SLF1: variants seen among roughly 807,000 people sequenced by gnomAD.
SLF1 encodes SMC5-SMC6 complex localization factor protein 1.
A neutral mutation model predicts 123.0 loss-of-function variants in SLF1; 105 were observed. That is an observed-to-expected ratio of 0.85 (90% confidence interval 0.73 to 1.00). The LOEUF (loss-of-function observed/expected upper bound fraction) is 1.00, where lower values mean the gene tolerates loss of function less well. SLF1 is among the 50% of genes least tolerant of loss of function. SLF1 has a pLI of 0.00. For synonymous variants in SLF1, 434 were observed against 406.6 expected (o/e 1.07, Z -0.81); for missense variants, 1,239 against 1,223.0 (o/e 1.01, Z -0.20).
intron 12 of SLF1, among the ~76,000 whole-genome samples, chr5:94,667,493 C>T (rs1749915824): frequency 6.6e-6 from 1 of 152,060 alleles, no homozygotes; most frequent in Non-Finnish European, 1.5e-5. Context: ...CCAAAGTACC[C>T]CCCCACAGTA....
At chr5:94,642,608 A>G (rs1274494256) in intron 4 of SLF1, among the ~76,000 whole-genome samples, 2 of 152,044 alleles carry the variant, frequency 1.3e-5, no homozygotes, top group Admixed American at 1.3e-4. Flanking sequence ...TTTGTAGATT[A>G]TTTGGCTTTT....
intron 8 of SLF1, 122 bp from the exon 9 acceptor site, chr5:94,654,508 G>A (rs1230129257): frequency 1.7e-6 from 1 of 581,420 alleles, no homozygotes; most frequent in Non-Finnish European, 2.5e-6. Flanking sequence ...ATGATTGTGA[G>A]GATCTTTGCT....
intron 20 of SLF1, among the ~76,000 whole-genome samples, chr5:94,693,903 G>A (rs1330388691): frequency 6.6e-6 from 1 of 151,312 alleles, no homozygotes; most frequent in Non-Finnish European, 1.5e-5. Context: ...TTTATATTAA[G>A]TACATTTTAT....
At chr5:94,673,757 T>C (rs1376343542) in intron 14 of SLF1, among the ~76,000 whole-genome samples, 1 of 151,730 alleles carries the variant, frequency 6.6e-6, no homozygotes, top group East Asian at 1.9e-4. Flanking sequence ...ATAGAAGTTC[T>C]TGCTGGTTTT....
chr5:94,693,645 A>G (rs1188869233), intron 20 of SLF1, among the ~76,000 whole-genome samples: 1 of 151,850 alleles, frequency 6.6e-6, no homozygotes, highest in African/African-American at 2.4e-5. Flanking sequence ...AAGTAACTGC[A>G]TTATCTATTC....
At chr5:94,648,409 G>GT (rs1189390138) in intron 5 of SLF1, among the ~76,000 whole-genome samples, 1 of 151,938 alleles carries the variant, frequency 6.6e-6, no homozygotes, top group Non-Finnish European at 1.5e-5. Flanking sequence ...AACACGTTTT[G>GT]TTTTTTTTAT....
Position 94,626,855 on chromosome 5 carries a change from C to G in SLF1, c.1-1956C>G, listed in dbSNP as rs145216334. Among the ~76,000 whole-genome samples the G allele has an allele frequency of 2.8e-3, 421 of 152,278 alleles. 1 individual carries two copies. Among genetic ancestry groups the G allele is most frequent in the Middle Eastern group, 0.01 (3 of 294 alleles). On this transcript the variant is annotated intron_variant, in intron 1 of 20. Coordinates refer to ENST00000265140, the MANE Select transcript of SLF1 (RefSeq NM_032290.4). ...GAGCAAAGCACATCCATTTAGTTGT[C>G]TCAAGGAGCTTCTCCAACGAAATGG...
At position 94,688,640 on chromosome 5, in the gene SLF1, A is replaced by T; in HGVS notation, c.2256A>T (p.Gln752His). 1 of 1,614,072 alleles carries T rather than the reference A, an allele frequency of 6.2e-7. No homozygotes were observed. The highest frequency in any genetic ancestry group is 2.2e-5 in the East Asian group (1 of 44,860). Residue 752 changes from glutamine to histidine, a missense_variant, in exon 17 of 21, where the codon CAA becomes CAT. Physicochemically the swap from Gln to His is conservative, Grantham distance 24 (BLOSUM62 0). Transcript: ENST00000265140. ...RTLLMLNGTK[Q>H]KQVEGLPELL... ...TACTAATGCTGAATGGTACTAAACA[A>T]AAACAAGTCGAAGGGCTGCCAGAGT...
intron 20 of SLF1, 36 bp downstream of exon 20, chr5:94,692,292 T>C: frequency 6.3e-7 from 1 of 1,589,120 alleles, no homozygotes; most frequent in Non-Finnish European, 8.6e-7. Context: ...TTTGATAAAT[T>C]ATCCAGTTTT....
chr5:94,648,797 G>A (rs943151966), intron 5 of SLF1, among the ~76,000 whole-genome samples: 1 of 152,158 alleles, frequency 6.6e-6, no homozygotes, highest in Non-Finnish European at 1.5e-5. Flanking sequence ...CCTCTCATAA[G>A]TACATTTTGG....
At chr5:94,635,337 C>CTTTTTTTT (rs34524874) in intron 4 of SLF1, among the ~76,000 whole-genome samples, 23 of 43,902 alleles carry the variant, frequency 5.2e-4, no homozygotes, top group Non-Finnish European at 6.3e-4. Context: ...ACATACTCGG[C>CTTTTTTTT]TTTTTTTTTT....
intron 9 of SLF1, among the ~76,000 whole-genome samples, chr5:94,661,692 A>G (rs1018873165): frequency 6.6e-6 from 1 of 151,760 alleles, no homozygotes. Flanking sequence ...GCCTGCCACC[A>G]CGCCTGGCTA....
At chr5:94,677,232 A>G (rs1185647810) in intron 14 of SLF1, among the ~76,000 whole-genome samples, 2 of 152,218 alleles carry the variant, frequency 1.3e-5, no homozygotes, top group Non-Finnish European at 2.9e-5. Flanking sequence ...TGTGAAAATA[A>G]TATTTTAAAA....
At chr5:94,670,771 CAGG>C (rs1456581696) in intron 13 of SLF1, 69 bp from the exon 14 acceptor site, 4 of 1,097,550 alleles carry the variant, frequency 3.6e-6, no homozygotes, top group African/African-American at 1.6e-5. Context: ...TTTTTTTTGA[CAGG>C]AGAGATGTCA....
intron 9 of SLF1, among the ~76,000 whole-genome samples, chr5:94,661,332 C>G (rs991638382): frequency 1.3e-5 from 2 of 152,050 alleles, no homozygotes; most frequent in Admixed American, 1.3e-4. Flanking sequence ...CTAGCCAGTT[C>G]CATTTGAGCC....
chr5:94,674,479 T>C (rs989289613), intron 14 of SLF1, among the ~76,000 whole-genome samples: 1 of 152,248 alleles, frequency 6.6e-6, no homozygotes, highest in African/African-American at 2.4e-5. Context: ...ATAAAACTGC[T>C]TTTTAAAAAT....
chr5:94,646,743 C>T (rs1462859216), intron 5 of SLF1, among the ~76,000 whole-genome samples: 3 of 152,048 alleles, frequency 2.0e-5, no homozygotes, highest in African/African-American at 7.2e-5. Flanking sequence ...ATTTGTGGTC[C>T]ACATTTATAA....
chr5:94,692,269 A>T lies in SLF1; in HGVS notation c.2695+13A>T. The stretch of plus-strand genomic sequence containing the variant: ...CTACAGCATGGGGGTGAGTGTGTTT[A>T]TGCTAAATGGGTTTTGATAAATTAT... On this transcript the variant is annotated intron_variant, in intron 20 of 20. Coordinates refer to ENST00000265140, the MANE Select transcript of SLF1 (RefSeq NM_032290.4). The T allele has an allele frequency of 6.2e-7, 1 of 1,605,364 alleles. No individual in the cohort carries two copies. The highest frequency in any genetic ancestry group is 8.5e-7 in the Non-Finnish European group (1 of 1,174,656).
At chr5:94,689,830 T>C (rs1585242290) in intron 18 of SLF1, among the ~76,000 whole-genome samples, 1 of 152,172 alleles carries the variant, frequency 6.6e-6, no homozygotes, top group African/African-American at 2.4e-5. Flanking sequence ...CTTTTTTTCC[T>C]CTCCCTGCCA....
Sources: gnomAD v4.1 joint callset for allele counts (sites outside exome capture counted in the v4.1 genomes callset) on GRCh38, gnomAD v4.1.1 for gene constraint, MANE v1.5 for transcripts, NCBI Gene and HGNC (gene_info 2026-07-23, HGNC 2026-07-21) for gene names.